Variants in CSTF3 observed in about 807,000 individuals in gnomAD.
The protein encoded by CSTF3 is cleavage stimulation factor subunit 3, also known as CF-1 77 kDa subunit.
A neutral mutation model predicts 105.8 loss-of-function variants in CSTF3; 29 were observed. That is an observed-to-expected ratio of 0.27 (90% CI 0.20 to 0.37). The LOEUF (loss-of-function observed/expected upper bound fraction) is 0.37, where lower values mean the gene tolerates loss of function less well. CSTF3 is among the 10% of genes least tolerant of loss of function. The probability of loss-of-function intolerance (pLI) is 1.00; values close to 1 mark genes in which losing one functional copy is unlikely to be tolerated. For synonymous variants in CSTF3, 252 were observed against 281.9 expected (o/e 0.89, Z 1.06); for missense variants, 357 against 879.3 (o/e 0.41, Z 7.51).
intron 17 of CSTF3, among the ~76,000 whole-genome samples, chr11:33,088,770 C>T (rs950720566): frequency 2.6e-5 from 4 of 152,054 alleles, no homozygotes; most frequent in Middle Eastern, 3.4e-3. Context: ...CCACACCTGG[C>T]TAATTTTTGT....
At chr11:33,142,996 T>C (rs961825563) in intron 1 of CSTF3, among the ~76,000 whole-genome samples, 1 of 152,176 alleles carries the variant, frequency 6.6e-6, no homozygotes, top group African/African-American at 2.4e-5. Flanking sequence ...TGAAAGTCCT[T>C]AGGAACCCTT....
intron 8 of CSTF3, among the ~76,000 whole-genome samples, chr11:33,104,258 G>A (rs944227532): frequency 2.0e-5 from 3 of 152,158 alleles, no homozygotes; most frequent in African/African-American, 7.2e-5. Flanking sequence ...GAGTCCATGA[G>A]ATCAAAATAG....
At chr11:33,150,034 A>AAACAAC (rs113266998) in intron 1 of CSTF3, among the ~76,000 whole-genome samples, 30,691 of 148,230 alleles carry the variant, frequency 0.21, 3,685 homozygotes, top group East Asian at 0.34. Flanking sequence ...CAAAACAAAC[A>AAACAAC]AACAACAACA....
chr11:33,124,931 C>CG (rs1855528623), intron 3 of CSTF3, among the ~76,000 whole-genome samples: 2 of 152,078 alleles, frequency 1.3e-5, no homozygotes, highest in Non-Finnish European at 2.9e-5. Context: ...TTGTTTCCAA[C>CG]CATTTATGTG....
rs568068927 is a variant in CSTF3 at position 33,107,206 on chromosome 11, A to T, written c.356+697T>A. 2.0e-4 allele frequency among the ~76,000 whole-genome samples: 31 copies of T among 152,200 alleles called. No homozygotes were observed. In the East Asian group the frequency reaches 5.6e-3, roughly 28 times the overall value. ...GTGGCTCTTGCCTGTAGTCCCATCT[A>T]CTTGGAAGGCTGAGGTGGGAGGATC... is the stretch of plus-strand genomic sequence containing the variant. On this transcript the variant is annotated intron_variant, in intron 5 of 20. Coordinates refer to ENST00000323959, the MANE Select transcript of CSTF3 (RefSeq NM_001326.3).
At chr11:33,088,716 C>G (rs1231149090) in intron 17 of CSTF3, among the ~76,000 whole-genome samples, 3 of 152,112 alleles carry the variant, frequency 2.0e-5, no homozygotes, top group African/African-American at 7.2e-5. Context: ...CCCTCCTGGG[C>G]TCACCTTGGC....
In CSTF3 at chr11:33,146,008, G is replaced by A. The variant is rs886509044; in HGVS notation, c.28-4022C>T. ...TCCCAGCACTTTGGGAGGCTGAGGC[G>A]AGTGGATCACCTGAGGTCAGGAGTT... On this transcript the variant is annotated intron_variant, in intron 1 of 20. Transcript: ENST00000323959. Among the ~76,000 whole-genome samples, 5 of 151,902 alleles carry A rather than the reference G, an allele frequency of 3.3e-5. 1 individual carries two copies. Among genetic ancestry groups the A allele is most frequent in the Admixed American group, 2.6e-4 (4 of 15,242 alleles).
chr11:33,153,364 T>C (rs1335828689), intron 1 of CSTF3, among the ~76,000 whole-genome samples: 9 of 152,232 alleles, frequency 5.9e-5, no homozygotes, highest in Admixed American at 5.9e-4. Flanking sequence ...TTATGCTTTA[T>C]TGAAACTCCT....
At chr11:33,103,786 T>C (rs891314299) in intron 8 of CSTF3, among the ~76,000 whole-genome samples, 2 of 151,832 alleles carry the variant, frequency 1.3e-5, no homozygotes, top group African/African-American at 2.4e-5. Context: ...AAAAAAAATA[T>C]GTACAGATTC....
intron 8 of CSTF3, among the ~76,000 whole-genome samples, chr11:33,104,352 A>G (rs1002208642): frequency 6.6e-6 from 1 of 152,222 alleles, no homozygotes; most frequent in Non-Finnish European, 1.5e-5. Context: ...TTAGTATTAT[A>G]ACACACTAAA....
intron 15 of CSTF3, among the ~76,000 whole-genome samples, chr11:33,095,409 T>C (rs568697251): frequency 6.6e-6 from 1 of 152,308 alleles, no homozygotes; most frequent in South Asian, 2.1e-4. Flanking sequence ...AAATTACATA[T>C]TGTGCACTGT....
chr11:33,126,023 A>G (rs1361768514), intron 3 of CSTF3, among the ~76,000 whole-genome samples: 1 of 152,178 alleles, frequency 6.6e-6, no homozygotes, highest in Non-Finnish European at 1.5e-5. Context: ...AGTCTCCTTC[A>G]TAGTATTTTA....
intron 3 of CSTF3, among the ~76,000 whole-genome samples, chr11:33,112,968 G>C (rs1350387976): frequency 1.3e-5 from 2 of 152,028 alleles, no homozygotes; most frequent in South Asian, 4.1e-4. Context: ...AGTGCTTTGG[G>C]AGGCCTCGGT....
chr11:33,128,258 A>G (rs192655517), intron 3 of CSTF3, among the ~76,000 whole-genome samples: 78 of 152,266 alleles, frequency 5.1e-4, no homozygotes, highest in Admixed American at 1.4e-3. Flanking sequence ...AATTACTGTC[A>G]TATTTTCCTC....
At chr11:33,092,364 A>ATT (rs113144162) in intron 15 of CSTF3, 24 bp from the exon 16 acceptor site, 18 of 1,406,412 alleles carry the variant, frequency 1.3e-5, no homozygotes, top group Non-Finnish European at 1.5e-5. Context: ...AAAGATTTTA[A>ATT]TTTTTTTAAT....
At chr11:33,129,394 CTTT>C (rs967909642) in intron 3 of CSTF3, among the ~76,000 whole-genome samples, 2 of 144,134 alleles carry the variant, frequency 1.4e-5, no homozygotes, top group Admixed American at 1.4e-4. Flanking sequence ...GCCCGGCCTA[CTTT>C]TTTTTTTTTT....
intron 3 of CSTF3, among the ~76,000 whole-genome samples, chr11:33,126,047 T>C (rs777524439): frequency 2.6e-5 from 4 of 152,092 alleles, no homozygotes; most frequent in Non-Finnish European, 5.9e-5. Flanking sequence ...ATATCAAGCT[T>C]TCAAAAAGAT....
intron 1 of CSTF3, among the ~76,000 whole-genome samples, chr11:33,143,655 C>G (rs1183828975): frequency 1.3e-5 from 2 of 152,104 alleles, no homozygotes; most frequent in African/African-American, 4.8e-5. Context: ...AAGGCTGAGG[C>G]ACAAGAATTG....
At chr11:33,159,456 G>A (rs1728044960) in intron 1 of CSTF3, among the ~76,000 whole-genome samples, 1 of 152,018 alleles carries the variant, frequency 6.6e-6, no homozygotes, top group Non-Finnish European at 1.5e-5. Context: ...AATTAGCGGG[G>A]CATGGTGGTG....
Sources: gnomAD v4.1 joint callset for allele counts (sites outside exome capture counted in the v4.1 genomes callset) on GRCh38, gnomAD v4.1.1 for gene constraint, MANE v1.5 for transcripts, NCBI Gene and HGNC (gene_info 2026-07-23, HGNC 2026-07-21) for gene names.